MYH10: variants seen among roughly 807,000 people sequenced by gnomAD.
MYH10 encodes myosin heavy chain 10.
Under a neutral mutation model 257.8 loss-of-function variants are expected in MYH10, and 55 were observed. That is an observed-to-expected ratio of 0.21 (90% CI 0.17 to 0.27). The LOEUF (loss-of-function observed/expected upper bound fraction) is 0.27. Ranked by LOEUF, MYH10 falls within the 10% of genes least tolerant of loss-of-function variation. MYH10 has a pLI of 1.00. For synonymous variants in MYH10, 854 were observed against 921.7 expected, an observed-to-expected ratio of 0.93 and a Z score of 1.33; for missense variants, 1,631 against 2,500.6, an observed-to-expected ratio of 0.65 and a Z score of 7.42.
At chr17:8,587,845 G>A (rs7211578) in intron 4 of MYH10, among the ~76,000 whole-genome samples, 147,122 of 152,306 alleles carry the variant, frequency 0.97, 71,268 homozygotes, top group East Asian at 1. Context: ...GAGTTTTCTA[G>A]AAATTGTATT....
intron 14 of MYH10, among the ~76,000 whole-genome samples, chr17:8,540,708 T>C (rs982990775): frequency 7.2e-5 from 11 of 152,232 alleles, no homozygotes; most frequent in African/African-American, 7.2e-5. Context: ...GGACTTCCAG[T>C]GTCATATGGA....
intron 21 of MYH10, among the ~76,000 whole-genome samples, chr17:8,514,959 G>A (rs892326443): frequency 6.6e-6 from 1 of 152,060 alleles, no homozygotes; most frequent in African/African-American, 2.4e-5. Flanking sequence ...AACGGCCTCC[G>A]AGTCTCCTGG....
intron 7 of MYH10, among the ~76,000 whole-genome samples, chr17:8,563,891 G>GA (rs3067096): frequency 4.2e-3 from 15 of 3,540 alleles, no homozygotes; most frequent in African/African-American, 0.012. Context: ...AGTCAACTTG[G>GA]AAAAAAAAAA....
chr17:8,618,877 C>T (rs1200640287), intron 2 of MYH10, among the ~76,000 whole-genome samples: 1 of 152,210 alleles, frequency 6.6e-6, no homozygotes, highest in Non-Finnish European at 1.5e-5. Flanking sequence ...CTAATTTTCA[C>T]ATAAAAACTC....
At chr17:8,575,385 A>G (rs1157795108) in intron 6 of MYH10, among the ~76,000 whole-genome samples, 3 of 152,242 alleles carry the variant, frequency 2.0e-5, no homozygotes, top group South Asian at 4.1e-4. Context: ...AAGTACCTCT[A>G]AAGCATAAAG....
intron 29 of MYH10, 139 bp from the exon 30 acceptor site, chr17:8,499,615 T>C (rs1917202827): frequency 1.3e-6 from 1 of 761,128 alleles, no homozygotes. Context: ...TGAATGAAAA[T>C]GTTTGCTGTT....
chr17:8,588,656 C>T (rs1452969236), intron 4 of MYH10, among the ~76,000 whole-genome samples: 1 of 152,224 alleles, frequency 6.6e-6, no homozygotes, highest in African/African-American at 2.4e-5. Context: ...ATTTTCCACA[C>T]TGCTGCCAAA....
At chr17:8,485,883 T>C (rs948453742) in intron 36 of MYH10, among the ~76,000 whole-genome samples, 2 of 152,316 alleles carry the variant, frequency 1.3e-5, no homozygotes, top group African/African-American at 2.4e-5. Context: ...TGAATGTTCA[T>C]AGAGGCATTA....
intron 9 of MYH10, among the ~76,000 whole-genome samples, chr17:8,550,832 A>T (rs7502072): frequency 0.96 from 146,355 of 151,758 alleles, 70,810 homozygotes; most frequent in East Asian, 1. Flanking sequence ...TGTTGATCTG[A>T]GACCTTACCC....
intron 19 of MYH10, among the ~76,000 whole-genome samples, chr17:8,520,074 T>C (rs1405148695): frequency 1.3e-5 from 2 of 152,184 alleles, no homozygotes; most frequent in Non-Finnish European, 2.9e-5. Context: ...TACAGATATA[T>C]TCATTGAGAA....
intron 6 of MYH10, chr17:8,573,954 G>T (rs1214910845): frequency 1.3e-5 from 4 of 310,166 alleles, no homozygotes; most frequent in Non-Finnish European, 1.9e-5. Context: ...GTTCCTGGTG[G>T]CAATGTCAAA....
At chr17:8,627,724 G>A (rs7217541) in intron 1 of MYH10, among the ~76,000 whole-genome samples, 51,848 of 152,136 alleles carry the variant, frequency 0.34, 11,193 homozygotes, top group African/African-American at 0.62. Flanking sequence ...TGCTTTGCAG[G>A]AAGGACAACA....
rs1339221553 is a variant in MYH10, at chr17:8,513,661, C to T, written c.2622G>A (p.Pro874=). 58 of 1,612,762 alleles carry T rather than the reference C, an allele frequency of 3.6e-5. No homozygotes were observed. Among genetic ancestry groups the T allele is most frequent in the Non-Finnish European group, 4.5e-5 (53 of 1,179,798 alleles). ...CCTCCTGGCGAGTCACTTGTAGAAG[C>T]GGCTTCACCTATGACAAAATTAAGC... is the stretch of plus-strand genomic sequence containing the variant. ...QWWRVFTKVK[P]LLQVTRQEEE... The change falls in exon 23 of 43, where the codon CCG becomes CCA. Residue 874 remains proline, a synonymous_variant. Transcript: ENST00000360416.
intron 3 of MYH10, among the ~76,000 whole-genome samples, chr17:8,598,707 T>C (rs1196747147): frequency 8.1e-6 from 1 of 122,784 alleles, no homozygotes; most frequent in Non-Finnish European, 1.7e-5. Context: ...TAGCATTTTG[T>C]ACCTTTTTTT....
chr17:8,630,159 G>T (rs1216801154), intron 1 of MYH10, among the ~76,000 whole-genome samples: 1 of 148,060 alleles, frequency 6.8e-6, no homozygotes. Context: ...GCGCTTTCCA[G>T]CCCCGCTTAG....
At chr17:8,534,073 C>T (rs1465341489) in intron 16 of MYH10, among the ~76,000 whole-genome samples, 1 of 152,174 alleles carries the variant, frequency 6.6e-6, no homozygotes, top group East Asian at 1.9e-4. Context: ...CTCAGTTTCT[C>T]ATATCCCACT....
At position 8,499,348 on chromosome 17, in the gene MYH10, C is replaced by G; in HGVS notation, c.3873G>C (p.Gln1291His). 1.9e-6 allele frequency: 3 copies of G among 1,614,154 alleles called. No individual in the cohort carries two copies. Among genetic ancestry groups the G allele is most frequent in the Non-Finnish European group, 2.5e-6 (3 of 1,180,034 alleles). ...AGACCTTGGCATGGAGCTCCTGGAC[C>G]TGCGCGTCGAGCTTCTTCCTCTTGT... ...SEHKRKKLDAQVQELHAKVSE... is the reference protein window; with the variant it reads ...SEHKRKKLDAHVQELHAKVSE... Residue 1291 changes from glutamine to histidine, a missense_variant, in exon 30 of 43, where the codon CAG (glutamine) becomes CAC (histidine). Gln to His is a conservative substitution (Grantham distance 24). Around this residue, in one of 11 missense-constraint regions of MYH10, gnomAD observed 463 missense variants for 621.8 expected, o/e 0.74. Transcript: ENST00000360416.
chr17:8,535,714 A>G lies in MYH10; in HGVS notation c.1779+44T>C, dbSNP rs1046301852. On this transcript the variant is annotated intron_variant, in intron 15 of 42. Coordinates refer to ENST00000360416, the MANE Select transcript of MYH10 (RefSeq NM_001256012.3). The surrounding 1 kb of genome is among the most constrained non-coding windows in gnomAD (Gnocchi z 4.3). ...TTCATAAAAATGTAGCAAAATTTCA[A>G]ACACAGCCATTTTAATCCAGTTATT... is the stretch of plus-strand genomic sequence containing the variant. The G allele has an allele frequency of 1.3e-6, 2 of 1,576,512 alleles. No homozygotes were observed. The highest frequency in any genetic ancestry group is 8.6e-7 in the Non-Finnish European group (1 of 1,157,230).
chr17:8,481,751 T>C (rs576041207), intron 37 of MYH10, among the ~76,000 whole-genome samples: 1 of 152,350 alleles, frequency 6.6e-6, no homozygotes, highest in South Asian at 2.1e-4. Context: ...ATATAAACCC[T>C]GAACCCTAAG....
Sources: gnomAD v4.1 joint callset for allele counts (sites outside exome capture counted in the v4.1 genomes callset) on GRCh38, gnomAD v4.1.1 for gene constraint, gnomAD v4.1.1 regional missense constraint, Gnocchi (gnomAD v3.1) non-coding constraint, MANE v1.5 for transcripts, NCBI Gene and HGNC (gene_info 2026-07-23, HGNC 2026-07-21) for gene names.